CTNNAL1: variants seen among roughly 807,000 people sequenced by gnomAD.
CTNNAL1 encodes alpha-catulin.
In CTNNAL1, 69 loss-of-function variants were observed where a neutral mutation model predicts 93.6. The ratio of observed to expected loss-of-function variants is 0.74; its 90% CI spans 0.61 to 0.90. The LOEUF (loss-of-function observed/expected upper bound fraction) is 0.90, where lower values mean the gene tolerates loss of function less well. CTNNAL1 is among the 40% of genes least tolerant of loss of function. CTNNAL1 has a pLI of 0.00. For missense variants in CTNNAL1, 836 were observed against 862.0 expected (o/e 0.97, Z 0.38); for synonymous variants, 286 against 305.4 (o/e 0.94, Z 0.66).
chr9:108,965,638 C>T (rs1830933044), intron 10 of CTNNAL1, 110 bp from the exon 11 acceptor site: 1 of 522,302 alleles, frequency 1.9e-6, no homozygotes, highest in Non-Finnish European at 3.1e-6. Context: ...CAATAAACAA[C>T]TATGAAGTAA....
rs566968966 is a variant in CTNNAL1 at position 108,999,373 on chromosome 9, T to C, written c.142-117A>G. The stretch of plus-strand genomic sequence containing the variant: ...TGTATAGCTCAATAGACTAAATCAA[T>C]AGTTAGAGATGCTTCAACAGAGACA... On this transcript the variant is annotated intron_variant, in intron 1 of 18. Coordinates refer to ENST00000325551, the MANE Select transcript of CTNNAL1 (RefSeq NM_003798.4). 11 of 923,836 alleles carry C rather than the reference T, an allele frequency of 1.2e-5. No individual in the cohort carries two copies. The East Asian group carries it at 1.4e-4, about 12-fold the overall frequency. 57.2% of individuals were successfully genotyped at this position (923,836 alleles called of 1,614,324 possible). A position where few individuals can be genotyped will look rare whatever the true frequency, so the allele number is the denominator to read the frequency against.
intron 10 of CTNNAL1, among the ~76,000 whole-genome samples, chr9:108,967,799 T>C (rs547473326): frequency 6.6e-6 from 1 of 152,226 alleles, no homozygotes; most frequent in African/African-American, 2.4e-5. Flanking sequence ...CCAGTGGCCA[T>C]GTAATGGAGA....
At position 108,943,691 on chromosome 9, in the gene CTNNAL1, T is replaced by C. The variant is rs1312484140; in HGVS notation, c.2055+12A>G. The C allele has an allele frequency of 1.3e-6, 2 of 1,597,328 alleles. No homozygotes were observed. The highest frequency in any genetic ancestry group is 1.7e-6 in the Non-Finnish European group (2 of 1,174,020). On this transcript the variant is annotated intron_variant, in intron 17 of 18. Coordinates refer to ENST00000325551, the MANE Select transcript of CTNNAL1 (RefSeq NM_003798.4). ...GATAGATGTGTGAAAGTTTTTCATA[T>C]GTCTCTTTTACCTTTAGAAATACTT...
chr9:108,952,268 C>T lies in CTNNAL1; in HGVS notation c.1776G>A (p.Glu592=). 1 of 1,614,166 alleles carries T rather than the reference C, an allele frequency of 6.2e-7. No homozygotes were observed. Reference sequence around the variant, plus strand: ...ACATGTTCCGTCCATATTGAACAATCTCATTCTCCTGATCTTCCCACTTCT... The same window carrying T: ...ACATGTTCCGTCCATATTGAACAATTTCATTCTCCTGATCTTCCCACTTCT... ...EIEKWEDQEN[E]IVQYGRNMSS... The change falls in exon 14 of 19, where the codon GAG becomes GAA. Residue 592 remains glutamate (E), a synonymous_variant. Coordinates refer to ENST00000325551, the MANE Select transcript of CTNNAL1 (RefSeq NM_003798.4).
chr9:108,956,135 C>T (rs1203878606), intron 11 of CTNNAL1, among the ~76,000 whole-genome samples: 1 of 152,214 alleles, frequency 6.6e-6, no homozygotes, highest in Non-Finnish European at 1.5e-5. Context: ...TCACAGAGTG[C>T]TCCTTTTACA....
At chr9:109,011,371 GAAAAAA>G (rs72043132) in intron 1 of CTNNAL1, among the ~76,000 whole-genome samples, 1 of 137,008 alleles carries the variant, frequency 7.3e-6, no homozygotes, top group Middle Eastern at 3.8e-3. Context: ...ACTGGAAAAA[GAAAAAA>G]AAAAAAAGGC....
chr9:108,970,616 CTT>C (rs1373432794), intron 9 of CTNNAL1, 122 bp from the exon 10 acceptor site: 4 of 760,516 alleles, frequency 5.3e-6, no homozygotes, highest in Non-Finnish European at 7.7e-6. Flanking sequence ...TTAAAATAAA[CTT>C]AAACATTACT....
At chr9:108,997,170 T>C (rs1373797939) in intron 2 of CTNNAL1, among the ~76,000 whole-genome samples, 1 of 152,230 alleles carries the variant, frequency 6.6e-6, no homozygotes. Flanking sequence ...TCCCAGTGAA[T>C]GGCTAGAAAT....
intron 4 of CTNNAL1, among the ~76,000 whole-genome samples, chr9:108,986,269 C>T (rs1339364450): frequency 4.1e-4 from 61 of 150,198 alleles, no homozygotes; most frequent in African/African-American, 1.3e-3. Context: ...TGAGTGAGAA[C>T]ATGCAGTGTT....
intron 18 of CTNNAL1, 31 bp from the exon 19 acceptor site, chr9:108,942,865 T>C: frequency 6.2e-7 from 1 of 1,612,816 alleles, no homozygotes; most frequent in East Asian, 2.2e-5. Context: ...TAGTATCTGG[T>C]TTCACTCTGA....
chr9:108,942,583 T>C lies in CTNNAL1; in HGVS notation c.*186A>G. 1 of 571,518 alleles carries C rather than the reference T, an allele frequency of 1.7e-6. No individual in the cohort carries two copies. Among genetic ancestry groups the C allele is most frequent in the South Asian group, 2.4e-5 (1 of 41,046 alleles). 35.4% of individuals were successfully genotyped at this position (571,518 alleles called of 1,614,324 possible). On this transcript the variant is annotated 3_prime_UTR_variant, in exon 19 of 19. Transcript: ENST00000325551. ...TCACACTACAATTAGAATCTAGCAA[T>C]TACCAAGACATTTATTAGTTGTCAA...
At chr9:108,950,229 T>G (rs1367610874) in intron 14 of CTNNAL1, among the ~76,000 whole-genome samples, 1 of 152,238 alleles carries the variant, frequency 6.6e-6, no homozygotes, top group African/African-American at 2.4e-5. Flanking sequence ...TCAGTTAGTC[T>G]GTGCAAATTT....
At chr9:109,000,420 A>G (rs1485187852) in intron 1 of CTNNAL1, among the ~76,000 whole-genome samples, 2 of 152,192 alleles carry the variant, frequency 1.3e-5, no homozygotes, top group East Asian at 3.9e-4. Flanking sequence ...AACAATCAAC[A>G]AGAAAGAAAA....
chr9:108,959,089 G>A (rs933166345), intron 11 of CTNNAL1, among the ~76,000 whole-genome samples: 8 of 151,872 alleles, frequency 5.3e-5, no homozygotes, highest in African/African-American at 1.9e-4. Context: ...GCTGGGCATG[G>A]TGGCTCATGC....
intron 8 of CTNNAL1, 31 bp from the exon 9 acceptor site, chr9:108,972,864 G>GGGGGGGGGGCCCCCCCCCCCCCCC: frequency 1.4e-5 from 2 of 142,568 alleles, no homozygotes; most frequent in African/African-American, 9.6e-5. Context: ...GGGGGGGTGG[G>GGGGGGGGGGCCCCCCCCCCCCCCC]AGGGTGGAGA....
rs1278458255 is a variant in CTNNAL1, at chr9:108,984,359, G to A, written c.717C>T (p.Leu239=). The part of the protein sequence containing the change: ...AVLEKCTMML[L]TASKTCLRHP... ...AAAATTGTCTTACCTTTGAAGCTGT[G>A]AGAAGCATCATTGTACACTTTTCAA... is the stretch of plus-strand genomic sequence containing the variant. Residue 239 remains leucine, a synonymous_variant, in exon 5 of 19, where the codon CTC becomes CTT. Coordinates refer to ENST00000325551, the MANE Select transcript of CTNNAL1 (RefSeq NM_003798.4). 5 of 1,603,968 alleles carry A rather than the reference G, an allele frequency of 3.1e-6. No individual in the cohort carries two copies. The highest frequency in any genetic ancestry group is 1.1e-5 in the South Asian group (1 of 90,242).
At position 108,993,921 on chromosome 9, in the gene CTNNAL1, A is replaced by G. The variant is rs1050620950; in HGVS notation, c.332-1102T>C. On this transcript the variant is annotated intron_variant, in intron 2 of 18. Transcript: ENST00000325551. ...TAATGGAGAGGCCACAGGGTGAAGT[A>G]TAAGTCAAGGTTTGGAAAGATCAGT... Among the ~76,000 whole-genome samples the G allele has an allele frequency of 5.3e-5, 8 of 152,214 alleles. 1 individual carries two copies. The highest frequency in any genetic ancestry group is 4.6e-4 in the Admixed American group (7 of 15,278).
chr9:108,967,007 T>C (rs1177023064), intron 10 of CTNNAL1, among the ~76,000 whole-genome samples: 1 of 152,212 alleles, frequency 6.6e-6, no homozygotes, highest in Non-Finnish European at 1.5e-5. Flanking sequence ...AGTCTTGATA[T>C]GTTCACAGCA....
At chr9:108,972,864 G>GGGGGGGGGGCC in intron 8 of CTNNAL1, 31 bp from the exon 9 acceptor site, 8 of 142,574 alleles carry the variant, frequency 5.6e-5, no homozygotes, top group Non-Finnish European at 6.0e-5. Flanking sequence ...GGGGGGGTGG[G>GGGGGGGGGGCC]AGGGTGGAGA....
Sources: gnomAD v4.1 joint callset for allele counts (sites outside exome capture counted in the v4.1 genomes callset) on GRCh38, gnomAD v4.1.1 for gene constraint, MANE v1.5 for transcripts, NCBI Gene and HGNC (gene_info 2026-07-23, HGNC 2026-07-21) for gene names.